NWD2: variants seen among roughly 807,000 people sequenced by gnomAD.
NWD2 encodes the protein NACHT and WD repeat domain containing 2, also known as NACHT and WD repeat domain-containing protein 2.
Under a neutral mutation model 132.7 loss-of-function variants are expected in NWD2, and 37 were observed. The observed-to-expected ratio is 0.28, with a 90% CI of 0.21 to 0.37. The LOEUF is 0.37. Among genes scored for constraint, NWD2 ranks in the 10% least tolerant of loss-of-function variants. The probability of loss-of-function intolerance (pLI) is 1.00; values close to 1 mark genes in which losing one functional copy is unlikely to be tolerated. For synonymous variants in NWD2, 705 were observed against 803.0 expected (o/e 0.88, Z 2.06); for missense variants, 1,592 against 2,122.4 (o/e 0.75, Z 4.91).
intron 1 of NWD2, among the ~76,000 whole-genome samples, chr4:37,313,068 A>G (rs1718882593): frequency 6.6e-6 from 1 of 151,114 alleles, no homozygotes; most frequent in Non-Finnish European, 1.5e-5. Flanking sequence ...ATGTTCATCA[A>G]GGATATTGGT....
intron 1 of NWD2, among the ~76,000 whole-genome samples, chr4:37,271,052 T>G (rs1321228227): frequency 6.6e-6 from 1 of 151,844 alleles, no homozygotes; most frequent in Non-Finnish European, 1.5e-5. Context: ...CAGTTCACTG[T>G]ATATGTGTGA....
In NWD2 at chr4:37,439,979, G is replaced by A. The variant is rs770200872; in HGVS notation, c.1296+589G>A. 3.3e-5 allele frequency among the ~76,000 whole-genome samples: 5 copies of A among 152,174 alleles called. No individual in the cohort carries two copies. In the East Asian group the frequency reaches 7.7e-4, roughly 23 times the overall value. On this transcript the variant is annotated intron_variant, in intron 6 of 6. Transcript: ENST00000309447. The surrounding 1 kb of genome is among the most constrained non-coding windows in gnomAD (Gnocchi z 4.5). ...ATGGGAAAGGTAAGGTGGCCAGAAAGTTATTACGTAACCAGTGCTGTTCTG... is the reference window on the plus strand; with the variant it reads ...ATGGGAAAGGTAAGGTGGCCAGAAAATTATTACGTAACCAGTGCTGTTCTG...
intron 1 of NWD2, among the ~76,000 whole-genome samples, chr4:37,324,167 T>TA (rs963364372): frequency 4.6e-5 from 7 of 152,038 alleles, no homozygotes; most frequent in African/African-American, 1.7e-4. Context: ...GAGTTGAAAT[T>TA]AAAAAAAATT....
intron 2 of NWD2, among the ~76,000 whole-genome samples, chr4:37,346,896 G>A (rs1000128839): frequency 3.3e-5 from 5 of 151,878 alleles, no homozygotes; most frequent in Admixed American, 2.6e-4. Context: ...ATAGGTTTTT[G>A]TATATTGATC....
intron 1 of NWD2, among the ~76,000 whole-genome samples, chr4:37,277,764 G>A (rs1348029784): frequency 6.6e-6 from 1 of 151,802 alleles, no homozygotes; most frequent in African/African-American, 2.4e-5. Context: ...ACACTTTCCT[G>A]TTTCTTTGCA....
At chr4:37,271,014 G>T (rs1304718513) in intron 1 of NWD2, among the ~76,000 whole-genome samples, 1 of 151,736 alleles carries the variant, frequency 6.6e-6, no homozygotes, top group Non-Finnish European at 1.5e-5. Context: ...TTCCCCCATT[G>T]AATTGCTTTG....
chr4:37,384,849 CTG>C (rs999360042), intron 3 of NWD2, among the ~76,000 whole-genome samples: 36 of 152,294 alleles, frequency 2.4e-4, no homozygotes, highest in African/African-American at 8.4e-4. Flanking sequence ...AGCCATTCAT[CTG>C]TGGACAGAGC....
At chr4:37,284,052 T>C (rs2109269300) in intron 1 of NWD2, among the ~76,000 whole-genome samples, 1 of 152,334 alleles carries the variant, frequency 6.6e-6, no homozygotes, top group Middle Eastern at 3.4e-3. Flanking sequence ...GTATAGACCA[T>C]TTATCTTAGT....
chr4:37,378,403 A>T (rs1204398637), intron 3 of NWD2, among the ~76,000 whole-genome samples: 1 of 152,260 alleles, frequency 6.6e-6, no homozygotes, highest in African/African-American at 2.4e-5. Context: ...CTTTTGGTTA[A>T]GAAAGTGAAC....
intron 3 of NWD2, among the ~76,000 whole-genome samples, chr4:37,383,054 A>G (rs867702460): frequency 1.3e-4 from 20 of 152,160 alleles, no homozygotes; most frequent in African/African-American, 4.8e-4. Flanking sequence ...GCTGACAACC[A>G]TTTCTTCTGC....
At chr4:37,440,433 C>G (rs960379244) in intron 6 of NWD2, among the ~76,000 whole-genome samples, 2 of 152,174 alleles carry the variant, frequency 1.3e-5, no homozygotes, top group Admixed American at 1.3e-4. Context: ...ATCACAGCAG[C>G]TAGGCAGCCT....
chr4:37,373,767 A>G (rs1720281557), intron 3 of NWD2, among the ~76,000 whole-genome samples: 1 of 152,226 alleles, frequency 6.6e-6, no homozygotes. Context: ...AGAGATCAGG[A>G]CAAAAGGGCA....
At chr4:37,289,931 G>C (rs1718324367) in intron 1 of NWD2, among the ~76,000 whole-genome samples, 1 of 151,978 alleles carries the variant, frequency 6.6e-6, no homozygotes, top group Non-Finnish European at 1.5e-5. Context: ...TGTATGCCTA[G>C]GTACCCTGCT....
intron 3 of NWD2, among the ~76,000 whole-genome samples, chr4:37,380,471 A>G (rs2109308314): frequency 6.6e-6 from 1 of 152,326 alleles, no homozygotes; most frequent in Middle Eastern, 3.4e-3. Flanking sequence ...TTCATTTATA[A>G]AGTTTGAATA....
Position 37,445,819 on chromosome 4 carries a change from T to C in NWD2, c.3831T>C (p.Ile1277=). The C allele has an allele frequency of 1.3e-6, 2 of 1,552,012 alleles. No individual in the cohort carries two copies. Among genetic ancestry groups the C allele is most frequent in the Non-Finnish European group, 1.7e-6 (2 of 1,147,070 alleles). Residue 1277 remains isoleucine (I), a synonymous_variant, in exon 7 of 7, where the codon ATT becomes ATC. Coordinates refer to ENST00000309447, the MANE Select transcript of NWD2 (RefSeq NM_001144990.2). This position sits in a 1 kb window ranked among gnomAD's most constrained non-coding sequence, Gnocchi z 4.7. ...MASLQEISGS[I]VKLVKSSHHN... ...GCTTGCAGGAAATCTCAGGTTCCATTGTTAAGTTAGTGAAATCCAGTCACC... is the reference window on the plus strand; with the variant it reads ...GCTTGCAGGAAATCTCAGGTTCCATCGTTAAGTTAGTGAAATCCAGTCACC...
intron 2 of NWD2, among the ~76,000 whole-genome samples, chr4:37,351,021 G>A (rs1719750284): frequency 2.0e-5 from 3 of 152,050 alleles, no homozygotes; most frequent in Admixed American, 2.0e-4. Context: ...TGCATCCCAG[G>A]GATGAAGCTG....
intron 2 of NWD2, among the ~76,000 whole-genome samples, chr4:37,342,537 C>A (rs1719548875): frequency 1.3e-5 from 2 of 152,220 alleles, no homozygotes; most frequent in South Asian, 4.1e-4. Flanking sequence ...TCCCCACTGG[C>A]AGCCTGGTTC....
At chr4:37,303,677 G>A (rs1269419151) in intron 1 of NWD2, among the ~76,000 whole-genome samples, 2 of 151,886 alleles carry the variant, frequency 1.3e-5, no homozygotes, top group African/African-American at 2.4e-5. Context: ...AAATTCCTAG[G>A]TGTTCTATTA....
chr4:37,273,478 A>G (rs924647923), intron 1 of NWD2, among the ~76,000 whole-genome samples: 1 of 152,100 alleles, frequency 6.6e-6, no homozygotes, highest in African/African-American at 2.4e-5. Context: ...ACACAATAAT[A>G]ATGGGAGACT....
Sources: gnomAD v4.1 joint callset for allele counts (sites outside exome capture counted in the v4.1 genomes callset) on GRCh38, gnomAD v4.1.1 for gene constraint, Gnocchi (gnomAD v3.1) non-coding constraint, MANE v1.5 for transcripts, NCBI Gene and HGNC (gene_info 2026-07-23, HGNC 2026-07-21) for gene names.